The following EIF5B variants were observed in gnomAD, a reference collection of about 807,000 sequenced individuals.
EIF5B encodes eukaryotic translation initiation factor 5B, also known as eIF-5B.
In EIF5B, 47 loss-of-function variants were observed where a neutral mutation model predicts 147.5. The ratio of observed to expected loss-of-function variants is 0.32; its 90% CI spans 0.25 to 0.41. The LOEUF (loss-of-function observed/expected upper bound fraction) is 0.41. EIF5B is among the 10% of genes least tolerant of loss of function. EIF5B has a pLI of 1.00. For synonymous variants in EIF5B, 455 were observed against 456.2 expected, an observed-to-expected ratio of 1.00 and a Z score of 0.03; for missense variants, 1,064 against 1,413.2, an observed-to-expected ratio of 0.75 and a Z score of 3.96.
Position 99,338,285 on chromosome 2 carries a change from A to T in EIF5B, c.35+696A>T, listed in dbSNP as rs773558108. 11 of 1,283,812 alleles carry T rather than the reference A, an allele frequency of 8.6e-6. No individual in the cohort carries two copies. In the South Asian group the frequency reaches 1.2e-4, roughly 14 times the overall value. 79.5% of individuals were successfully genotyped at this position (1,283,812 alleles called of 1,614,324 possible). A position where few individuals can be genotyped will look rare whatever the true frequency, so the allele number is the denominator to read the frequency against. ...TCTAACCACCTGCAATGCTTTGGGG[A>T]GGGAGGATAAGGGTATATGCGAGTT... On this transcript the variant is annotated intron_variant, in intron 1 of 23. Transcript: ENST00000289371.
intron 16 of EIF5B, 58 bp downstream of exon 16, chr2:99,390,459 TGAGTG>T: frequency 6.3e-7 from 1 of 1,583,798 alleles, no homozygotes; most frequent in Middle Eastern, 1.7e-4. Flanking sequence ...GCAAGTTCCT[TGAGTG>T]GAGGATATTT....
At chr2:99,357,216 T>C (rs1363813789) in intron 1 of EIF5B, among the ~76,000 whole-genome samples, 1 of 152,230 alleles carries the variant, frequency 6.6e-6, no homozygotes, top group Non-Finnish European at 1.5e-5. Context: ...TGTTGACTTA[T>C]GCTAAGTCTT....
At chr2:99,383,315 C>T (rs1674730628) in intron 14 of EIF5B, among the ~76,000 whole-genome samples, 1 of 152,274 alleles carries the variant, frequency 6.6e-6, no homozygotes, top group Non-Finnish European at 1.5e-5. Context: ...TAAGATGGCA[C>T]ACTTAGTCAA....
chr2:99,365,950 T>C (rs1170459055), intron 6 of EIF5B, among the ~76,000 whole-genome samples: 1 of 152,128 alleles, frequency 6.6e-6, no homozygotes, highest in Non-Finnish European at 1.5e-5. Context: ...TTACCTAGAA[T>C]ATTGTAAAAC....
At chr2:99,393,965 A>T (rs544729833) in intron 18 of EIF5B, among the ~76,000 whole-genome samples, 3 of 152,242 alleles carry the variant, frequency 2.0e-5, no homozygotes, top group African/African-American at 7.2e-5. Flanking sequence ...CTTTAAAAAA[A>T]TTTTTCTTCT....
chr2:99,363,702 A>C lies in EIF5B; in HGVS notation c.977A>C (p.Glu326Ala). 6.2e-7 allele frequency: 1 copy of C among 1,601,930 alleles called. No homozygotes were observed. The highest frequency in any genetic ancestry group is 1.1e-5 in the South Asian group (1 of 87,270). Residue 326 changes from glutamate to alanine, a missense_variant, in exon 5 of 24, where the codon GAA becomes GCA. By Grantham distance (107) the Glu-to-Ala change is moderately radical. This residue lies in a region of EIF5B where 458 missense variants were observed against 451.3 expected (regional missense o/e 1.01). Coordinates refer to ENST00000289371, the MANE Select transcript of EIF5B (RefSeq NM_015904.4). ...KDKKKKKGEK[E>A]EKEKEKKKGP... ...AAGAAGAAAAAGAAAGGAGAAAAGG[A>C]AGAAAAAGAGAAAGAGAAGAAAAAA... is the stretch of plus-strand genomic sequence containing the variant.
At chr2:99,361,999 C>T (rs907298372) in intron 4 of EIF5B, among the ~76,000 whole-genome samples, 179 bp downstream of exon 4, 2 of 152,108 alleles carry the variant, frequency 1.3e-5, no homozygotes, top group African/African-American at 4.8e-5. Context: ...TAATTCTTTA[C>T]ATATATAGTA....
chr2:99,371,638 G>T lies in EIF5B; in HGVS notation c.1478-18G>T. 1.2e-6 allele frequency: 2 copies of T among 1,604,480 alleles called. No homozygotes were observed. The highest frequency in any genetic ancestry group is 1.7e-6 in the Non-Finnish European group (2 of 1,176,428). On this transcript the variant is annotated intron_variant, in intron 8 of 23. Coordinates refer to ENST00000289371, the MANE Select transcript of EIF5B (RefSeq NM_015904.4). ...TCTAAATAATTTTTGTGTCTTAAAT[G>T]CAAATTTTTACTTACAGAAGAAGAA...
chr2:99,349,317 T>C (rs1027927577), intron 1 of EIF5B, among the ~76,000 whole-genome samples: 2 of 152,202 alleles, frequency 1.3e-5, no homozygotes, highest in African/African-American at 4.8e-5. Flanking sequence ...TGTGGAATAA[T>C]TTGGAAAGGA....
At chr2:99,396,074 A>C (rs1256989213) in intron 21 of EIF5B, among the ~76,000 whole-genome samples, 1 of 152,152 alleles carries the variant, frequency 6.6e-6, no homozygotes, top group Non-Finnish European at 1.5e-5. Flanking sequence ...GGTCTAGGTG[A>C]TTCAGACCAC....
Position 99,376,590 on chromosome 2 carries a change from G to A in EIF5B, c.1796G>A (p.Arg599Gln), listed in dbSNP as rs372707233. The stretch of plus-strand genomic sequence containing the variant: ...TCTGAATATGACTCTGATGATGATC[G>A]GACTAAAGAAGAAAGGGCTTATGAC... ...SDSEYDSDDDRTKEERAYDKA... is the reference protein window; with the variant it reads ...SDSEYDSDDDQTKEERAYDKA... The change falls in exon 10 of 24, where the codon CGG (arginine) becomes CAG (glutamine). Residue 599 changes from arginine to glutamine, a missense_variant. Physicochemically the swap from Arg to Gln is conservative, Grantham distance 43. Coordinates refer to ENST00000289371, the MANE Select transcript of EIF5B (RefSeq NM_015904.4). 3.1e-6 allele frequency: 5 copies of A among 1,612,662 alleles called. No homozygotes were observed. The highest frequency in any genetic ancestry group is 3.4e-6 in the Non-Finnish European group (4 of 1,179,612).
chr2:99,350,071 C>T (rs1365783214), intron 1 of EIF5B, among the ~76,000 whole-genome samples: 1 of 152,154 alleles, frequency 6.6e-6, no homozygotes, highest in Admixed American at 6.6e-5. Context: ...GCATCTTTCA[C>T]TTAACATAAT....
At chr2:99,340,162 G>A (rs1051467054) in intron 1 of EIF5B, among the ~76,000 whole-genome samples, 5 of 152,078 alleles carry the variant, frequency 3.3e-5, no homozygotes, top group Non-Finnish European at 7.4e-5. Context: ...TTTTATTTTG[G>A]TCTTCCACAT....
rs748928187 is a variant in EIF5B, at chr2:99,382,792, T to C, written c.2142T>C (p.Asn714=). ...TTCTTTTCAACAGTAATCTGAGAAA[T>C]AGAGGAAGCTCTCTTTGTGACATTG... ...PGHESFSNLR[N]RGSSLCDIAI... is the part of the protein sequence containing the mutation. Residue 714 remains asparagine, a synonymous_variant, in exon 14 of 24, where the codon AAT becomes AAC. Transcript: ENST00000289371. 16 of 1,602,616 alleles carry C rather than the reference T, an allele frequency of 1.0e-5. No homozygotes were observed.
At position 99,395,411 on chromosome 2, in the gene EIF5B, C is replaced by T. The variant is rs1574942741; in HGVS notation, c.3254+528C>T. On this transcript the variant is annotated intron_variant, in intron 21 of 23. Transcript: ENST00000289371. ...TACAGTGGCATGATCATGGGTCACCCCAACCTCTGCCTACTGGGCTCAAGT... is the reference window on the plus strand; with the variant it reads ...TACAGTGGCATGATCATGGGTCACCTCAACCTCTGCCTACTGGGCTCAAGT... 2.0e-5 allele frequency among the ~76,000 whole-genome samples: 3 copies of T among 152,296 alleles called. No homozygotes were observed. In the Middle Eastern group the frequency reaches 0.01, roughly 518 times the overall value.
At chr2:99,382,269 A>ATGAG in intron 13 of EIF5B, 43 bp downstream of exon 13, 2 of 1,564,874 alleles carry the variant, frequency 1.3e-6, no homozygotes, top group Non-Finnish European at 1.8e-6. Flanking sequence ...AATCTACTTG[A>ATGAG]AACCATTAAG....
intron 1 of EIF5B, among the ~76,000 whole-genome samples, chr2:99,339,970 AGTG>A (rs1355220521): frequency 6.6e-6 from 1 of 152,240 alleles, no homozygotes; most frequent in Admixed American, 6.5e-5. Flanking sequence ...TTGAAGGGAA[AGTG>A]GTGGCAATAT....
In EIF5B at chr2:99,361,668, AAG is replaced by A; in HGVS notation, c.769_770del (p.Glu257ArgfsTer6). ...GCGAAACTGCGGAAGCTGAAAGAAA[AAG>A]AAGAGTTAGAAACAGGTAAAAAGGA... On this transcript the variant is annotated frameshift_variant, in exon 4 of 24. Coordinates refer to ENST00000289371, the MANE Select transcript of EIF5B (RefSeq NM_015904.4). LOFTEE classifies it high-confidence loss of function. The A allele has an allele frequency of 6.3e-7, 1 of 1,598,504 alleles. No individual in the cohort carries two copies. The highest frequency in any genetic ancestry group is 8.5e-7 in the Non-Finnish European group (1 of 1,176,456).
chr2:99,393,188 T>C (rs570973554), intron 18 of EIF5B, 90 bp downstream of exon 18: 1 of 1,231,328 alleles, frequency 8.1e-7, no homozygotes, highest in Non-Finnish European at 1.1e-6. Context: ...TGACCAAAAC[T>C]GGCTTTGTCT....
Sources: allele counts gnomAD v4.1 joint callset (sites outside exome capture counted in the v4.1 genomes callset), GRCh38; gene constraint gnomAD v4.1.1; regional missense constraint gnomAD v4.1.1; transcripts MANE v1.5; gene names NCBI Gene and HGNC (gene_info 2026-07-23, HGNC 2026-07-21).